UBE2D4: variants seen among roughly 807,000 people sequenced by gnomAD.
The protein encoded by UBE2D4 is ubiquitin-conjugating enzyme E2 D4.
Under a neutral mutation model 23.0 loss-of-function variants are expected in UBE2D4, and 17 were observed. That is an observed-to-expected ratio of 0.74 (90% CI 0.51 to 1.11). UBE2D4 has a LOEUF of 1.11. Ranked by LOEUF, UBE2D4 falls within the 50% of genes least tolerant of loss-of-function variation. The probability of loss-of-function intolerance (pLI) is 0.00; values close to 1 mark genes in which losing one functional copy is unlikely to be tolerated. For missense variants in UBE2D4, 139 were observed against 181.8 expected, an observed-to-expected ratio of 0.76 and a Z score of 1.35; for synonymous variants, 61 against 69.4, an observed-to-expected ratio of 0.88 and a Z score of 0.60.
At chr7:43,939,074 G>A (rs2095965070) in intron 2 of UBE2D4, among the ~76,000 whole-genome samples, 1 of 152,212 alleles carries the variant, frequency 6.6e-6, no homozygotes, top group African/African-American at 2.4e-5. Flanking sequence ...GGCCTGAGGA[G>A]TCACATCAGC....
At chr7:43,940,691 C>G (rs2095969938) in intron 2 of UBE2D4, among the ~76,000 whole-genome samples, 1 of 152,210 alleles carries the variant, frequency 6.6e-6, no homozygotes, top group Admixed American at 6.5e-5. Flanking sequence ...TCTTCTGACT[C>G]TGCTCTCAAG....
chr7:43,928,256 C>T (rs2095937477), intron 1 of UBE2D4: 4 of 280,446 alleles, frequency 1.4e-5, no homozygotes, highest in South Asian at 1.1e-4. Flanking sequence ...ATACCTCCCA[C>T]TAGGCCCCAC....
chr7:43,949,969 C>G (rs2095998237), intron 5 of UBE2D4, among the ~76,000 whole-genome samples: 1 of 152,178 alleles, frequency 6.6e-6, no homozygotes, highest in Non-Finnish European at 1.5e-5. Flanking sequence ...ATTCTCCTGC[C>G]TCAGCCTCCT....
chr7:43,927,202 A>G (rs1390660841), intron 1 of UBE2D4, among the ~76,000 whole-genome samples: 2 of 151,936 alleles, frequency 1.3e-5, no homozygotes, highest in Non-Finnish European at 2.9e-5. Context: ...ACCTACCTTC[A>G]GTTTTTTTTC....
At chr7:43,946,104 C>T (rs558947780) in intron 4 of UBE2D4, 1 of 152,206 alleles carries the variant, frequency 6.6e-6, no homozygotes, top group Non-Finnish European at 1.5e-5. Context: ...GTTCCTTTGC[C>T]CCAGCCCCTG....
At chr7:43,948,285 T>C (rs973094762) in intron 4 of UBE2D4, among the ~76,000 whole-genome samples, 9 of 152,350 alleles carry the variant, frequency 5.9e-5, no homozygotes, top group Middle Eastern at 3.4e-3. Flanking sequence ...TTTCTGCTGA[T>C]ACATCAACAA....
intron 5 of UBE2D4, 115 bp downstream of exon 5, chr7:43,948,852 C>T (rs1290480631): frequency 3.8e-6 from 3 of 784,512 alleles, no homozygotes; most frequent in Non-Finnish European, 6.5e-6. Context: ...GGTCACATAG[C>T]CCTGTCCACT....
At chr7:43,937,583 G>A (rs576835132) in intron 1 of UBE2D4, among the ~76,000 whole-genome samples, 5 of 152,282 alleles carry the variant, frequency 3.3e-5, no homozygotes, top group South Asian at 2.1e-4. Flanking sequence ...ATCAACCCTC[G>A]GGGAGAAAAC....
intron 5 of UBE2D4, among the ~76,000 whole-genome samples, chr7:43,949,962 C>A (rs1160878595): frequency 6.6e-6 from 1 of 152,128 alleles, no homozygotes; most frequent in Non-Finnish European, 1.5e-5. Flanking sequence ...TCAAGAGATT[C>A]TCCTGCCTCA....
chr7:43,948,826 G>A (rs1287538338), intron 5 of UBE2D4, 89 bp downstream of exon 5: 2 of 1,043,208 alleles, frequency 1.9e-6, no homozygotes, highest in African/African-American at 3.1e-5. Context: ...CTCAGAGAAA[G>A]AAGTCACCTT....
At chr7:43,941,969 G>C (rs1359912920) in intron 2 of UBE2D4, 1 of 152,046 alleles carries the variant, frequency 6.6e-6, no homozygotes, top group Non-Finnish European at 1.5e-5. Flanking sequence ...TTAACACGTA[G>C]GGGGCGATCT....
chr7:43,940,130 C>T (rs575524558), intron 2 of UBE2D4, among the ~76,000 whole-genome samples: 1 of 152,190 alleles, frequency 6.6e-6, no homozygotes, highest in Non-Finnish European at 1.5e-5. Flanking sequence ...GAGGAGCCAG[C>T]GGTAGGCAGA....
chr7:43,936,232 GTTTA>G (rs2095958448), intron 1 of UBE2D4, among the ~76,000 whole-genome samples: 2 of 152,048 alleles, frequency 1.3e-5, no homozygotes, highest in Admixed American at 6.6e-5. Flanking sequence ...ATTTGTGTTA[GTTTA>G]TTTGCCAGCA....
chr7:43,937,037 C>T (rs2095960171), intron 1 of UBE2D4, among the ~76,000 whole-genome samples: 1 of 152,180 alleles, frequency 6.6e-6, no homozygotes, highest in East Asian at 1.9e-4. Context: ...GGGATCCACA[C>T]GTGGCCTTTC....
intron 6 of UBE2D4, 49 bp downstream of exon 6, chr7:43,950,741 C>T (rs752494039): frequency 7.6e-6 from 11 of 1,451,372 alleles, no homozygotes; most frequent in Non-Finnish European, 1.1e-5. Flanking sequence ...CCCCAGGCAG[C>T]TCCATGCAGT....
Position 43,945,149 on chromosome 7 carries a change from C to G in UBE2D4, c.198+2118C>G, listed in dbSNP as rs1338861793. On this transcript the variant is annotated intron_variant, in intron 4 of 6. Coordinates refer to ENST00000222402, the MANE Select transcript of UBE2D4 (RefSeq NM_015983.4). ...CTGAGATTACAGGCACCCGCCACCA[C>G]GCCGGCTAATTTTTTGTATTTTTAG... Among the ~76,000 whole-genome samples the G allele has an allele frequency of 1.3e-5, 2 of 152,070 alleles. 1 individual carries two copies. Among genetic ancestry groups the G allele is most frequent in the Middle Eastern group, 6.3e-3 (2 of 316 alleles).
At chr7:43,926,653 G>C in intron 1 of UBE2D4, 97 bp downstream of exon 1, 1 of 1,327,644 alleles carries the variant, frequency 7.5e-7, no homozygotes, top group Non-Finnish European at 1.0e-6. Context: ...CGGAGGCTCC[G>C]CGAGTCGCGG....
chr7:43,948,615 A>C lies in UBE2D4; in HGVS notation c.199-17A>C. The stretch of plus-strand genomic sequence containing the variant: ...GTCCCTGTGGTTTGTCTGATTGGGG[A>C]TCTCTTGTCTTTGCAGGTTGCTTTC... On this transcript the variant is annotated splice_polypyrimidine_tract_variant and intron_variant, in intron 4 of 6. Transcript: ENST00000222402. The C allele has an allele frequency of 6.5e-7, 1 of 1,538,286 alleles. No homozygotes were observed. The highest frequency in any genetic ancestry group is 1.7e-5 in the Admixed American group (1 of 59,018).
chr7:43,929,270 C>T (rs2095940258), intron 1 of UBE2D4, among the ~76,000 whole-genome samples: 1 of 151,524 alleles, frequency 6.6e-6, no homozygotes, highest in Non-Finnish European at 1.5e-5. Flanking sequence ...AATAAAAATA[C>T]AAAAAAATTA....
Sources: allele counts gnomAD v4.1 joint callset (sites outside exome capture counted in the v4.1 genomes callset), GRCh38; gene constraint gnomAD v4.1.1; transcripts MANE v1.5; gene names NCBI Gene and HGNC (gene_info 2026-07-23, HGNC 2026-07-21).